Variants in STRADA observed in about 807,000 individuals in gnomAD.
The protein encoded by STRADA is STE20-related kinase adapter protein alpha.
In STRADA, 26 loss-of-function variants were observed where a neutral mutation model predicts 55.0. The observed-to-expected ratio is 0.47, with a 90% CI of 0.35 to 0.66. STRADA has a LOEUF of 0.66. Among genes scored for constraint, STRADA ranks in the 30% least tolerant of loss-of-function variants. The pLI is 0.01. For synonymous variants in STRADA, 197 were observed against 210.9 expected (o/e 0.93, Z 0.57); for missense variants, 443 against 549.7 (o/e 0.81, Z 1.94).
intron 10 of STRADA, 144 bp from the exon 11 acceptor site, chr17:63,704,726 T>A: frequency 6.6e-7 from 1 of 1,512,876 alleles, no homozygotes; most frequent in African/African-American, 1.4e-5. Flanking sequence ...GGAAGTGGAG[T>A]AAGTCCAATT....
In STRADA at chr17:63,706,739, T is replaced by G. The variant is rs1391505279; in HGVS notation, c.754A>C (p.Asn252His). 6.2e-7 allele frequency: 1 copy of G among 1,612,306 alleles called. No homozygotes were observed. The highest frequency in any genetic ancestry group is 8.5e-7 in the Non-Finnish European group (1 of 1,178,948). ...GACTTGGCATCATAACCCTGGAGATTCTAAGCCAGAAAAAAAAGGCCACAG... is the reference window on the plus strand; with the variant it reads ...GACTTGGCATCATAACCCTGGAGATGCTAAGCCAGAAAAAAAAGGCCACAG... ...PWLSPEVLQQ[N>H]LQGYDAKSDI... The change falls in exon 10 of 13, where the codon AAT becomes CAT. Residue 252 changes from asparagine to histidine, a missense_variant and splice_region_variant. Coordinates refer to ENST00000336174, the MANE Select transcript of STRADA (RefSeq NM_001003787.4).
At chr17:63,718,449 C>T (rs1007956885) in intron 4 of STRADA, among the ~76,000 whole-genome samples, 1 of 152,214 alleles carries the variant, frequency 6.6e-6, no homozygotes, top group African/African-American at 2.4e-5. Flanking sequence ...CTCATTTTCT[C>T]AACCTTATAT....
chr17:63,710,715 C>CT lies in STRADA; in HGVS notation c.457+12dup, dbSNP rs1208047059. ...CAATAACCCCTTTCTACCAAGAACC[C>CT]TTTCCCACTCACCGTATGCCATGAA... On this transcript the variant is annotated intron_variant, in intron 7 of 12. Coordinates refer to ENST00000336174, the MANE Select transcript of STRADA (RefSeq NM_001003787.4). 6.2e-7 allele frequency: 1 copy of CT among 1,614,114 alleles called. No homozygotes were observed. The highest frequency in any genetic ancestry group is 1.1e-5 in the South Asian group (1 of 91,072).
intron 10 of STRADA, chr17:63,705,097 C>G: frequency 1.6e-6 from 1 of 638,676 alleles, no homozygotes; most frequent in South Asian, 1.8e-5. Flanking sequence ...AGTACCCCAA[C>G]TCAACACATA....
In STRADA at chr17:63,720,754, G is replaced by A. The variant is rs554729357; in HGVS notation, c.123+2544C>T. Reference sequence around the variant, plus strand: ...CGCGCCACTGCACTCCAGCCTGGGCGACAGAGCGAGACTGTTTAAAAAAAA... The same window carrying A: ...CGCGCCACTGCACTCCAGCCTGGGCAACAGAGCGAGACTGTTTAAAAAAAA... On this transcript the variant is annotated intron_variant, in intron 4 of 12. Transcript: ENST00000336174. Among the ~76,000 whole-genome samples, 93 of 140,146 alleles carry A rather than the reference G, an allele frequency of 6.6e-4. 1 individual carries two copies. The highest frequency in any genetic ancestry group is 1.1e-3 in the Non-Finnish European group (69 of 65,446). 91.9% of individuals were successfully genotyped at this position (140,146 alleles called of 152,430 possible).
chr17:63,737,604 G>A (rs2038546978), intron 1 of STRADA, among the ~76,000 whole-genome samples: 1 of 152,176 alleles, frequency 6.6e-6, no homozygotes, highest in Non-Finnish European at 1.5e-5. Flanking sequence ...TCCTAAGAAG[G>A]TAAAGTTAAT....
In STRADA at chr17:63,707,354, T is replaced by G. The variant is rs1207251517; in HGVS notation, c.646A>C (p.Ser216Arg). ...DGKVYLSGLR[S>R]NLSMISHGQR... ...CCATGGCTTATCATGCTGAGGTTGCTGCGCAAACCAGACAGGTAGACCTTC... is the reference window on the plus strand; with the variant it reads ...CCATGGCTTATCATGCTGAGGTTGCGGCGCAAACCAGACAGGTAGACCTTC... The change falls in exon 9 of 13, where the codon AGC becomes CGC. Residue 216 changes from serine (S) to arginine (R), a missense_variant. Physicochemically the swap from Ser to Arg is moderately radical, Grantham distance 110 (BLOSUM62 -1). Transcript: ENST00000336174. 2 of 1,614,150 alleles carry G rather than the reference T, an allele frequency of 1.2e-6. No homozygotes were observed. Among genetic ancestry groups the G allele is most frequent in the East Asian group, 4.5e-5 (2 of 44,870 alleles).
In STRADA at chr17:63,713,540, G is replaced by C. The variant is rs1347326118; in HGVS notation, c.227-13C>G. On this transcript the variant is annotated splice_polypyrimidine_tract_variant and intron_variant, in intron 5 of 12. Transcript: ENST00000336174. ...TCAAATCCTTTGCCTAAAAGAAAAA[G>C]GGAATGCCATACGCAAGGACAAGAA... The C allele has an allele frequency of 6.2e-7, 1 of 1,612,404 alleles. No homozygotes were observed. The highest frequency in any genetic ancestry group is 8.5e-7 in the Non-Finnish European group (1 of 1,179,592).
At chr17:63,723,200 C>G in intron 4 of STRADA, 98 bp downstream of exon 4, 2 of 1,357,630 alleles carry the variant, frequency 1.5e-6, no homozygotes, top group East Asian at 2.3e-5. Flanking sequence ...GACAGATAAG[C>G]AGAAACATAA....
Position 63,714,104 on chromosome 17 carries a change from T to C in STRADA, c.128A>G (p.Asn43Ser), listed in dbSNP as rs1372878030. ...QPPGDTRRKTNDASSESIASF... is the reference protein window; with the variant it reads ...QPPGDTRRKTSDASSESIASF... ...TGCTATTGACTCTGAGCTCGCATCA[T>C]TGGTCTAAAAAAGAAAAAGAAAAAT... The change falls in exon 5 of 13, where the codon AAT becomes AGT. Residue 43 changes from asparagine (N) to serine (S), a missense_variant. Physicochemically the swap from Asn to Ser is conservative, Grantham distance 46 (BLOSUM62 1). Coordinates refer to ENST00000336174, the MANE Select transcript of STRADA (RefSeq NM_001003787.4). 3.1e-6 allele frequency: 5 copies of C among 1,613,546 alleles called. No homozygotes were observed. Among genetic ancestry groups the C allele is most frequent in the African/African-American group, 1.3e-5 (1 of 75,018 alleles).
chr17:63,736,074 T>C (rs769126148), intron 1 of STRADA, among the ~76,000 whole-genome samples: 1 of 152,100 alleles, frequency 6.6e-6, no homozygotes, highest in Admixed American at 6.5e-5. Context: ...CCGGAGTAGC[T>C]GGGATTACTG....
At chr17:63,737,415 C>T (rs987194873) in intron 1 of STRADA, 6 of 151,676 alleles carry the variant, frequency 4.0e-5, no homozygotes, top group African/African-American at 1.5e-4. Flanking sequence ...AAGTGCTCAT[C>T]ATCAGCTTAT....
At chr17:63,725,443 G>A (rs1267715292) in intron 3 of STRADA, among the ~76,000 whole-genome samples, 2 of 150,862 alleles carry the variant, frequency 1.3e-5, no homozygotes, top group Admixed American at 6.6e-5. Flanking sequence ...CCTCCACCTC[G>A]CGAGTTCAAG....
chr17:63,708,741 G>C (rs1319142093), intron 8 of STRADA, among the ~76,000 whole-genome samples: 1 of 152,090 alleles, frequency 6.6e-6, no homozygotes, highest in African/African-American at 2.4e-5. Flanking sequence ...TGCGATGTTG[G>C]CCAGGCTGGT....
intron 8 of STRADA, among the ~76,000 whole-genome samples, chr17:63,708,072 G>T (rs2036238454): frequency 6.6e-6 from 1 of 151,978 alleles, no homozygotes; most frequent in Non-Finnish European, 1.5e-5. Flanking sequence ...GTAGAGATGG[G>T]GTTTTGCCAT....
chr17:63,732,707 A>T (rs1471009808), intron 1 of STRADA, among the ~76,000 whole-genome samples: 5 of 151,934 alleles, frequency 3.3e-5, no homozygotes. Flanking sequence ...AGGTGGGAGG[A>T]TACCTTGAAC....
chr17:63,707,037 T>C, intron 9 of STRADA, among the ~76,000 whole-genome samples: 1 of 152,144 alleles, frequency 6.6e-6, no homozygotes, highest in South Asian at 2.1e-4. Flanking sequence ...TAAAGGGAGC[T>C]GAAATTTCAT....
In STRADA at chr17:63,704,027, A is replaced by T; in HGVS notation, c.1121T>A (p.Leu374Gln). The T allele has an allele frequency of 6.2e-7, 1 of 1,614,096 alleles. No homozygotes were observed. The highest frequency in any genetic ancestry group is 8.5e-7 in the Non-Finnish European group (1 of 1,179,976). The change falls in exon 12 of 13, where the codon CTG (leucine) becomes CAG (glutamine). Residue 374 changes from leucine to glutamine, a missense_variant. Physicochemically the swap from Leu to Gln is moderately radical, Grantham distance 113 (BLOSUM62 -2). Coordinates refer to ENST00000336174, the MANE Select transcript of STRADA (RefSeq NM_001003787.4). Reference sequence around the variant, plus strand: ...TACCTGCTTGAAGAAAGAGTGGTTCAGGAGGGTGCTGGCACTGGGCCTGGA... The same window carrying T: ...TACCTGCTTGAAGAAAGAGTGGTTCTGGAGGGTGCTGGCACTGGGCCTGGA... ...PDARPSASTL[L>Q]NHSFFKQIKR... is the part of the protein sequence containing the mutation.
At chr17:63,721,721 A>G (rs892709856) in intron 4 of STRADA, among the ~76,000 whole-genome samples, 7 of 152,136 alleles carry the variant, frequency 4.6e-5, no homozygotes, top group Non-Finnish European at 1.0e-4. Context: ...CTCAAAAAAA[A>G]AAAAAAGAAA....
Sources: gnomAD v4.1 joint callset for allele counts (sites outside exome capture counted in the v4.1 genomes callset) on GRCh38, gnomAD v4.1.1 for gene constraint, MANE v1.5 for transcripts, NCBI Gene and HGNC (gene_info 2026-07-23, HGNC 2026-07-21) for gene names.